Variants in STPG2 observed in about 807,000 individuals in gnomAD.
The protein encoded by STPG2 is sperm tail PG-rich repeat containing 2, also known as sperm-tail PG-rich repeat-containing protein 2.
A neutral mutation model predicts 54.2 loss-of-function variants in STPG2; 56 were observed. That is an observed-to-expected ratio of 1.03 (90% CI 0.83 to 1.29). The LOEUF (loss-of-function observed/expected upper bound fraction) is 1.29, where lower values mean the gene tolerates loss of function less well. STPG2 is among the 50% of genes most tolerant of loss of function. The pLI, the probability that STPG2 is intolerant of heterozygous loss-of-function variation, is 0.00. For missense variants in STPG2, 596 were observed against 544.9 expected (o/e 1.09, Z -0.93); for synonymous variants, 200 against 181.8 (o/e 1.10, Z -0.81).
chr4:97,756,826 G>C (rs997647680), intron 9 of STPG2, among the ~76,000 whole-genome samples: 1 of 151,124 alleles, frequency 6.6e-6, no homozygotes, highest in Non-Finnish European at 1.5e-5. Context: ...TGGTAAAAAG[G>C]TAAAACATAT....
At chr4:98,002,141 G>C (rs1735431858) in intron 5 of STPG2, among the ~76,000 whole-genome samples, 3 of 151,986 alleles carry the variant, frequency 2.0e-5, no homozygotes, top group Admixed American at 1.3e-4. Context: ...TTTATAAGTA[G>C]TAGCAGGGTT....
chr4:98,052,960 A>T (rs903561548), intron 5 of STPG2, among the ~76,000 whole-genome samples: 2 of 152,172 alleles, frequency 1.3e-5, no homozygotes, highest in Non-Finnish European at 2.9e-5. Context: ...AGGAAGGGAA[A>T]ATACAGTCTT....
chr4:97,605,061 AC>A (rs1353419491), intron 10 of STPG2, among the ~76,000 whole-genome samples: 1 of 151,788 alleles, frequency 6.6e-6, no homozygotes, highest in Non-Finnish European at 1.5e-5. Flanking sequence ...ACGGAAAATA[AC>A]CCATTAAAGA....
At chr4:98,098,842 T>C (rs1738938704) in intron 5 of STPG2, among the ~76,000 whole-genome samples, 2 of 151,940 alleles carry the variant, frequency 1.3e-5, no homozygotes, top group Non-Finnish European at 2.9e-5. Context: ...AAAGAAGAAA[T>C]ACAAATGGCA....
chr4:98,047,429 TGGAAATTGTG>T (rs1737168214), intron 5 of STPG2, among the ~76,000 whole-genome samples: 1 of 151,816 alleles, frequency 6.6e-6, no homozygotes, highest in Non-Finnish European at 1.5e-5. Flanking sequence ...GGCAGCAGCT[TGGAAATTGTG>T]CAGGCAAATC....
chr4:98,027,111 CA>C (rs1023111147), intron 5 of STPG2, among the ~76,000 whole-genome samples: 18 of 152,222 alleles, frequency 1.2e-4, no homozygotes, highest in African/African-American at 4.3e-4. Context: ...CCAATGTTCC[CA>C]GGGGAAAGGC....
intron 10 of STPG2, among the ~76,000 whole-genome samples, chr4:97,703,298 GA>G (rs1393784653): frequency 6.6e-6 from 1 of 150,770 alleles, no homozygotes; most frequent in Non-Finnish European, 1.5e-5. Flanking sequence ...ACCAGCAAAA[GA>G]ACTCGATCCT....
At chr4:97,665,355 A>G (rs928704741) in intron 10 of STPG2, among the ~76,000 whole-genome samples, 1 of 152,202 alleles carries the variant, frequency 6.6e-6, no homozygotes, top group East Asian at 1.9e-4. Flanking sequence ...TTATTGAGCA[A>G]TAGAACAGCT....
At chr4:97,908,553 G>A (rs1274684537) in intron 8 of STPG2, among the ~76,000 whole-genome samples, 1 of 152,140 alleles carries the variant, frequency 6.6e-6, no homozygotes, top group East Asian at 1.9e-4. Flanking sequence ...CTGCTATAAA[G>A]ACACATGCAC....
chr4:98,121,551 G>A (rs865965739), intron 3 of STPG2, among the ~76,000 whole-genome samples: 41 of 152,048 alleles, frequency 2.7e-4, no homozygotes, highest in African/African-American at 8.5e-4. Flanking sequence ...GTTTGTGTCC[G>A]TTCTGGCTTC....
intron 4 of STPG2, among the ~76,000 whole-genome samples, chr4:97,486,899 T>C (rs1050684056): frequency 3.4e-5 from 4 of 118,138 alleles, no homozygotes; most frequent in Non-Finnish European, 5.2e-5. Flanking sequence ...ACACACACAA[T>C]GGAATACTAC....
chr4:97,660,971 C>G (rs1722358759), intron 10 of STPG2, among the ~76,000 whole-genome samples: 1 of 152,056 alleles, frequency 6.6e-6, no homozygotes, highest in African/African-American at 2.4e-5. Context: ...AATGAGCACA[C>G]TTGGCTAAGT....
chr4:97,543,942 C>A (rs773029125), intron 4 of STPG2, among the ~76,000 whole-genome samples: 10 of 151,996 alleles, frequency 6.6e-5, no homozygotes, highest in Admixed American at 2.0e-4. Context: ...ACTTACCACA[C>A]ATTAGTATAC....
At chr4:97,599,640 G>A (rs1323661742) in intron 10 of STPG2, among the ~76,000 whole-genome samples, 4 of 151,894 alleles carry the variant, frequency 2.6e-5, no homozygotes, top group South Asian at 2.1e-4. Context: ...TGGGTAACAC[G>A]GTGAAACCCC....
At chr4:97,611,307 A>G (rs1443090743) in intron 10 of STPG2, among the ~76,000 whole-genome samples, 2 of 151,858 alleles carry the variant, frequency 1.3e-5, no homozygotes, top group South Asian at 2.1e-4. Flanking sequence ...GAGAGATCAC[A>G]GATTCAGAGC....
intron 8 of STPG2, among the ~76,000 whole-genome samples, chr4:97,938,047 T>G (rs1732815649): frequency 6.6e-6 from 1 of 151,996 alleles, no homozygotes; most frequent in Non-Finnish European, 1.5e-5. Flanking sequence ...GGATTCAGAC[T>G]GAAGGAAATC....
chr4:97,593,097 T>C (rs1041082973), intron 10 of STPG2, among the ~76,000 whole-genome samples: 1 of 152,274 alleles, frequency 6.6e-6, no homozygotes, highest in African/African-American at 2.4e-5. Flanking sequence ...GGTCCCAGCC[T>C]GGCCACACCT....
intron 8 of STPG2, among the ~76,000 whole-genome samples, chr4:97,902,504 C>T (rs1204530189): frequency 6.6e-6 from 1 of 152,012 alleles, no homozygotes; most frequent in African/African-American, 2.4e-5. Flanking sequence ...AGATATTTTT[C>T]TAAAGAAGAC....
At chr4:97,596,694 T>A (rs1157609147) in intron 10 of STPG2, among the ~76,000 whole-genome samples, 2 of 152,064 alleles carry the variant, frequency 1.3e-5, no homozygotes, top group Non-Finnish European at 2.9e-5. Context: ...AAGGCAGTAA[T>A]CAAAATATTG....
Sources: allele counts gnomAD v4.1 joint callset (sites outside exome capture counted in the v4.1 genomes callset), GRCh38; gene constraint gnomAD v4.1.1; transcripts MANE v1.5; gene names NCBI Gene and HGNC (gene_info 2026-07-23, HGNC 2026-07-21).